Variants in ABHD2 observed in about 807,000 individuals in gnomAD.
ABHD2 encodes monoacylglycerol lipase ABHD2.
Under a neutral mutation model 48.1 loss-of-function variants are expected in ABHD2, and 20 were observed. The ratio of observed to expected loss-of-function variants is 0.42; its 90% CI spans 0.29 to 0.60. ABHD2 has a LOEUF of 0.60. Ranked by LOEUF, ABHD2 falls within the 20% of genes least tolerant of loss-of-function variation. The pLI is 0.24. For missense variants in ABHD2, 405 were observed against 550.9 expected, an observed-to-expected ratio of 0.74 and a Z score of 2.65; for synonymous variants, 209 against 214.2, an observed-to-expected ratio of 0.98 and a Z score of 0.21.
Position 89,172,408 on chromosome 15 carries a change from A to T in ABHD2, c.539-3404A>T, listed in dbSNP as rs980533006. Among the ~76,000 whole-genome samples, 7 of 152,368 alleles carry T rather than the reference A, an allele frequency of 4.6e-5. No individual in the cohort carries two copies. In the South Asian group the frequency reaches 1.4e-3, roughly 32 times the overall value. On this transcript the variant is annotated intron_variant, in intron 5 of 10. Coordinates refer to ENST00000352732, the MANE Select transcript of ABHD2 (RefSeq NM_152924.5). ...TTGTGAGTGGTTTACTTCATGTAGC[A>T]TAATGTCCTCAAGGTTCTTCCATGC... is the stretch of plus-strand genomic sequence containing the variant.
At chr15:89,105,468 T>C (rs957986040) in intron 1 of ABHD2, among the ~76,000 whole-genome samples, 3 of 152,240 alleles carry the variant, frequency 2.0e-5, no homozygotes, top group African/African-American at 7.2e-5. Context: ...GGAAGAAATA[T>C]GGCTAAATAA....
In ABHD2 at chr15:89,198,456, C is replaced by A. The variant is rs1225701569; in HGVS notation, c.*3033C>A. 1.3e-5 allele frequency: 2 copies of A among 152,178 alleles called. No homozygotes were observed. Among genetic ancestry groups the A allele is most frequent in the Non-Finnish European group, 2.9e-5 (2 of 68,024 alleles). The allele number at this position is 152,178 out of a possible 1,614,324, so 9.4% of individuals were successfully genotyped here. A position where few individuals can be genotyped will look rare whatever the true frequency, so the allele number is the denominator to read the frequency against. ...TAACAGACTTGAAGAAAACTGTTATCTTTTCCTGCTGTGAGTTTACACAAA... is the reference window on the plus strand; with the variant it reads ...TAACAGACTTGAAGAAAACTGTTATATTTTCCTGCTGTGAGTTTACACAAA... On this transcript the variant is annotated 3_prime_UTR_variant, in exon 11 of 11. Coordinates refer to ENST00000352732, the MANE Select transcript of ABHD2 (RefSeq NM_152924.5). This position sits in a 1 kb window ranked among gnomAD's most constrained non-coding sequence, Gnocchi z 5.1.
intron 1 of ABHD2, among the ~76,000 whole-genome samples, chr15:89,113,460 G>T (rs2049907320): frequency 1.3e-5 from 2 of 152,150 alleles, no homozygotes; most frequent in Admixed American, 1.3e-4. Flanking sequence ...AAAGCAGTGT[G>T]AATTGGCTTT....
rs1395981939 is a variant in ABHD2, at chr15:89,189,771, T to C, written c.927-1309T>C. 6.6e-6 allele frequency among the ~76,000 whole-genome samples: 1 copy of C among 151,268 alleles called. No individual in the cohort carries two copies. The highest frequency in any genetic ancestry group is 1.5e-5 in the Non-Finnish European group (1 of 68,042). Reference sequence around the variant, plus strand: ...TCACTTCAGATGAAGTGTGTGACTGTATTGCGGTGTGTGGTAAGAAAAAAC... The same window carrying C: ...TCACTTCAGATGAAGTGTGTGACTGCATTGCGGTGTGTGGTAAGAAAAAAC... On this transcript the variant is annotated intron_variant, in intron 8 of 10. Transcript: ENST00000352732. This position sits in a 1 kb window ranked among gnomAD's most constrained non-coding sequence, Gnocchi z 4.9.
rs367707053 is a variant in ABHD2 at position 89,116,533 on chromosome 15, T to G, written c.194+12T>G. 1.2e-5 allele frequency: 19 copies of G among 1,607,500 alleles called. No individual in the cohort carries two copies. In the African/African-American group the frequency reaches 2.4e-4, roughly 20 times the overall value. On this transcript the variant is annotated intron_variant, in intron 3 of 10. Transcript: ENST00000352732. This position sits in a 1 kb window ranked among gnomAD's most constrained non-coding sequence, Gnocchi z 4.6. ...CTTCTGACCAAAGAGTGAGTAGACC[T>G]CATGCCCTCTGTATGCTCAGCTGCT...
intron 6 of ABHD2, among the ~76,000 whole-genome samples, chr15:89,180,315 C>G (rs1435293952): frequency 6.6e-6 from 1 of 151,902 alleles, no homozygotes; most frequent in Non-Finnish European, 1.5e-5. Flanking sequence ...ATGAGAGACT[C>G]TAACTCATTC....
intron 3 of ABHD2, among the ~76,000 whole-genome samples, chr15:89,139,517 A>G (rs75057621): frequency 6.6e-6 from 1 of 152,174 alleles, no homozygotes; most frequent in Non-Finnish European, 1.5e-5. Context: ...TGTATGCCTC[A>G]CAGCACTCGT....
At chr15:89,172,336 C>T (rs1424201175) in intron 5 of ABHD2, among the ~76,000 whole-genome samples, 3 of 152,230 alleles carry the variant, frequency 2.0e-5, no homozygotes, top group African/African-American at 4.8e-5. Flanking sequence ...GTAAATTTTA[C>T]TAGTCCAGGT....
rs1318098386 is a variant in ABHD2 at position 89,173,581 on chromosome 15, A to T, written c.539-2231A>T. Among the ~76,000 whole-genome samples, 2 of 152,076 alleles carry T rather than the reference A, an allele frequency of 1.3e-5. No homozygotes were observed. Among genetic ancestry groups the T allele is most frequent in the Non-Finnish European group, 2.9e-5 (2 of 68,036 alleles). On this transcript the variant is annotated intron_variant, in intron 5 of 10. Transcript: ENST00000352732. This position sits in a 1 kb window ranked among gnomAD's most constrained non-coding sequence, Gnocchi z 6.5. ...GAGCGAGACTCTGTCTCAAAAACAA[A>T]CGAACAAAAAGAAACTTGAATGAAT...
At chr15:89,139,752 T>A (rs2050373184) in intron 3 of ABHD2, among the ~76,000 whole-genome samples, 1 of 152,190 alleles carries the variant, frequency 6.6e-6, no homozygotes, top group South Asian at 2.1e-4. Flanking sequence ...ATGAAAAATT[T>A]GCTTTTCTTC....
At chr15:89,045,357 C>G in the ABHD2 span, among the ~76,000 whole-genome samples, 1 of 152,088 alleles carries the variant, frequency 6.6e-6, no homozygotes, top group Non-Finnish European at 1.5e-5. Flanking sequence ...CAGCTTTGTT[C>G]TTTTGGCTTA....
At chr15:89,068,592 T>C in the ABHD2 span, among the ~76,000 whole-genome samples, 11 of 152,088 alleles carry the variant, frequency 7.2e-5, no homozygotes, top group Non-Finnish European at 2.9e-5. Context: ...AGCTGGTAAC[T>C]GGGGTCCAAG....
chr15:89,049,762 C>T, the ABHD2 span, among the ~76,000 whole-genome samples: 220 of 152,328 alleles, frequency 1.4e-3, no homozygotes, highest in Middle Eastern at 0.014. Flanking sequence ...GCATGATGCA[C>T]GCACCCACTG....
intron 3 of ABHD2, among the ~76,000 whole-genome samples, chr15:89,139,209 T>C (rs1297563986): frequency 2.6e-5 from 4 of 152,106 alleles, no homozygotes; most frequent in African/African-American, 9.7e-5. Flanking sequence ...AGACCTTGTC[T>C]CTAAAAATAA....
intron 1 of ABHD2, among the ~76,000 whole-genome samples, chr15:89,095,702 C>T (rs1247023684): frequency 6.6e-6 from 1 of 152,196 alleles, no homozygotes; most frequent in Non-Finnish European, 1.5e-5. Flanking sequence ...ACACTTTTTG[C>T]TTTCCTCGTG....
Position 89,201,731 on chromosome 15 carries a change from T to C in ABHD2, c.*6308T>C. On this transcript the variant is annotated 3_prime_UTR_variant, in exon 11 of 11. Transcript: ENST00000352732. ...CTACATCTGTGAAGGGGCCTTTGAA[T>C]TTGAGGTCTATGGGCGGGTCGAGGA... 1 of 1,593,668 alleles carries C rather than the reference T, an allele frequency of 6.3e-7. No homozygotes were observed. Among genetic ancestry groups the C allele is most frequent in the South Asian group, 1.1e-5 (1 of 90,712 alleles).
the ABHD2 span, among the ~76,000 whole-genome samples, chr15:89,058,218 G>A: frequency 6.6e-6 from 1 of 152,082 alleles, no homozygotes; most frequent in Non-Finnish European, 1.5e-5. Flanking sequence ...CTGGCCCCAG[G>A]TCCACCCACC....
chr15:89,154,392 C>G (rs957776424), intron 4 of ABHD2, among the ~76,000 whole-genome samples: 1 of 152,152 alleles, frequency 6.6e-6, no homozygotes, highest in Non-Finnish European at 1.5e-5. Context: ...ACCTAAGCAC[C>G]TCTTTTCTTT....
Position 89,193,280 on chromosome 15 carries a change from G to A in ABHD2, c.1042G>A (p.Val348Met). 1 of 1,614,180 alleles carries A rather than the reference G, an allele frequency of 6.2e-7. No homozygotes were observed. The highest frequency in any genetic ancestry group is 8.5e-7 in the Non-Finnish European group (1 of 1,180,034). ...GGTTAATGCAGCTGACGATCCGTTG[G>A]TGCATGAAAGTCTTCTAACCATTCC... Reference protein sequence around the residue: ...MLVNAADDPLVHESLLTIPKS... With the variant: ...MLVNAADDPLMHESLLTIPKS... The change falls in exon 10 of 11, where the codon GTG becomes ATG. Residue 348 changes from valine to methionine, a missense_variant. Transcript: ENST00000352732.
Sources: allele counts gnomAD v4.1 joint callset (sites outside exome capture counted in the v4.1 genomes callset), GRCh38; gene constraint gnomAD v4.1.1; non-coding constraint Gnocchi (gnomAD v3.1); transcripts MANE v1.5; gene names NCBI Gene and HGNC (gene_info 2026-07-23, HGNC 2026-07-21).